AKAP13: variants seen among roughly 807,000 people sequenced by gnomAD.
The protein encoded by AKAP13 is A-kinase anchor protein 13.
A neutral mutation model predicts 264.5 loss-of-function variants in AKAP13; 80 were observed. The ratio of observed to expected loss-of-function variants is 0.30; its 90% CI spans 0.25 to 0.36. AKAP13 has a LOEUF of 0.36. AKAP13 is among the 10% of genes least tolerant of loss of function. The probability of loss-of-function intolerance (pLI) is 1.00; values close to 1 mark genes in which losing one functional copy is unlikely to be tolerated. For synonymous variants in AKAP13, 1,380 were observed against 1,250.2 expected (o/e 1.10, Z -2.19); for missense variants, 3,712 against 3,435.2 (o/e 1.08, Z -2.01).
chr15:85,605,258 A>G (rs987075357), intron 8 of AKAP13, among the ~76,000 whole-genome samples: 11 of 152,258 alleles, frequency 7.2e-5, no homozygotes, highest in Admixed American at 2.0e-4. Context: ...ACTGGGAACA[A>G]TTGTAGAACA....
At chr15:85,676,612 G>A (rs946564632) in intron 14 of AKAP13, among the ~76,000 whole-genome samples, 1 of 152,154 alleles carries the variant, frequency 6.6e-6, no homozygotes, top group Non-Finnish European at 1.5e-5. Context: ...GTTGTTAAGA[G>A]GTGGAGTGAA....
At chr15:85,483,079 C>T (rs934052370) in intron 1 of AKAP13, among the ~76,000 whole-genome samples, 15 of 152,256 alleles carry the variant, frequency 9.9e-5, no homozygotes, top group Non-Finnish European at 2.1e-4. Flanking sequence ...GACATCAGCC[C>T]TTTCTTAGAG....
At chr15:85,630,030 G>A (rs896338611) in intron 8 of AKAP13, among the ~76,000 whole-genome samples, 1 of 151,832 alleles carries the variant, frequency 6.6e-6, no homozygotes, top group East Asian at 1.9e-4. Flanking sequence ...GCCAAATTCA[G>A]TAACTTCTTT....
rs1567231406 is a variant in AKAP13 at position 85,747,858 on chromosome 15, T to G, written c.*3181T>G. Reference sequence around the variant, plus strand: ...CTTCTGTGTCTCAGGGTAATACTATTCAGAGTCGCCCCTTTGCTCATTTTC... The same window carrying G: ...CTTCTGTGTCTCAGGGTAATACTATGCAGAGTCGCCCCTTTGCTCATTTTC... On this transcript the variant is annotated 3_prime_UTR_variant, in exon 37 of 37. Coordinates refer to ENST00000394518, the MANE Select transcript of AKAP13 (RefSeq NM_007200.5). 1 of 153,352 alleles carries G rather than the reference T, an allele frequency of 6.5e-6. No individual in the cohort carries two copies. The highest frequency in any genetic ancestry group is 1.5e-5 in the Non-Finnish European group (1 of 68,042). 9.5% of individuals were successfully genotyped at this position (153,352 alleles called of 1,614,324 possible). A position where few individuals can be genotyped will look rare whatever the true frequency, so the allele number is the denominator to read the frequency against.
At chr15:85,666,769 T>C (rs1055634679) in intron 13 of AKAP13, among the ~76,000 whole-genome samples, 1 of 152,222 alleles carries the variant, frequency 6.6e-6, no homozygotes, top group African/African-American at 2.4e-5. Flanking sequence ...GCTACCAGTC[T>C]CTTGAAACTC....
At chr15:85,502,583 A>C (rs1020090368) in intron 2 of AKAP13, among the ~76,000 whole-genome samples, 1 of 152,220 alleles carries the variant, frequency 6.6e-6, no homozygotes, top group Non-Finnish European at 1.5e-5. Flanking sequence ...GACACTTAAA[A>C]AGGAAAACTT....
At chr15:85,520,806 G>T in intron 2 of AKAP13, 3 of 479,380 alleles carry the variant, frequency 6.3e-6, no homozygotes, top group Non-Finnish European at 1.2e-5. Context: ...GTGGTATTAG[G>T]TGATTTTGTT....
intron 4 of AKAP13, chr15:85,537,109 C>A (rs1489575287): frequency 6.6e-6 from 1 of 152,164 alleles, no homozygotes; most frequent in Non-Finnish European, 1.5e-5. Context: ...GTGCTCAGTT[C>A]ACATTCTGCA....
chr15:85,506,874 T>A (rs2151107630), intron 2 of AKAP13, among the ~76,000 whole-genome samples: 1 of 152,358 alleles, frequency 6.6e-6, no homozygotes. Flanking sequence ...ATGTTCCCTA[T>A]GCTGAAGCCA....
At position 85,748,658 on chromosome 15, in the gene AKAP13, G is replaced by A. The variant is rs2089438632; in HGVS notation, c.*3981G>A. The A allele has an allele frequency of 1.3e-5, 2 of 152,082 alleles. No homozygotes were observed. The highest frequency in any genetic ancestry group is 4.8e-5 in the African/African-American group (2 of 41,386). The allele number at this position is 152,082 out of a possible 1,614,324, so 9.4% of individuals were successfully genotyped here. On this transcript the variant is annotated 3_prime_UTR_variant, in exon 37 of 37. Coordinates refer to ENST00000394518, the MANE Select transcript of AKAP13 (RefSeq NM_007200.5). The stretch of plus-strand genomic sequence containing the variant: ...GCTGCCATAAAAGGGAGGCGGGGGG[G>A]AGGAAGGGAAAATAAAGGCATCTTT...
intron 1 of AKAP13, among the ~76,000 whole-genome samples, chr15:85,411,766 T>C (rs1326823150): frequency 2.0e-5 from 3 of 152,194 alleles, no homozygotes; most frequent in East Asian, 3.8e-4. Flanking sequence ...TGAAACTCCA[T>C]TTTTATTTGA....
At chr15:85,638,777 T>G (rs981319090) in intron 8 of AKAP13, among the ~76,000 whole-genome samples, 2 of 144,708 alleles carry the variant, frequency 1.4e-5, no homozygotes, top group Non-Finnish European at 1.5e-5. Context: ...TTTTTTTTTT[T>G]GAGATGGCGT....
intron 12 of AKAP13, among the ~76,000 whole-genome samples, chr15:85,658,888 C>T (rs1459082371): frequency 1.3e-5 from 2 of 152,052 alleles, no homozygotes; most frequent in African/African-American, 4.8e-5. Context: ...CTAGCTTTCT[C>T]TAGGAGAGTT....
At chr15:85,633,489 A>G (rs1291070809) in intron 8 of AKAP13, among the ~76,000 whole-genome samples, 4 of 150,728 alleles carry the variant, frequency 2.7e-5, no homozygotes, top group African/African-American at 9.7e-5. Context: ...TGCAAATGAA[A>G]TGCCATTTGA....
intron 12 of AKAP13, chr15:85,662,407 G>A (rs771950839): frequency 2.4e-5 from 39 of 1,614,068 alleles, no homozygotes; most frequent in Non-Finnish European, 3.3e-5. Context: ...GTGCCCCTCT[G>A]GTGTGCAGTA....
In AKAP13 at chr15:85,727,695, T is replaced by G. The variant is rs1819912; in HGVS notation, c.7087+232T>G. ...TTTCCAGTACTGGATCAAGAGAATATTGATTCTCTTGACTCAGGATCCGTG... is the reference window on the plus strand; with the variant it reads ...TTTCCAGTACTGGATCAAGAGAATAGTGATTCTCTTGACTCAGGATCCGTG... On this transcript the variant is annotated intron_variant, in intron 29 of 36. Transcript: ENST00000394518. The surrounding 1 kb of genome is among the most constrained non-coding windows in gnomAD (Gnocchi z 5.3). Among the ~76,000 whole-genome samples, 2 of 152,238 alleles carry G rather than the reference T, an allele frequency of 1.3e-5. No individual in the cohort carries two copies. The highest frequency in any genetic ancestry group is 4.2e-4 in the South Asian group (2 of 4,814).
chr15:85,459,352 ATTTTTTT>A (rs557848037), intron 1 of AKAP13, among the ~76,000 whole-genome samples: 3 of 130,672 alleles, frequency 2.3e-5, no homozygotes, highest in South Asian at 2.4e-4. Context: ...CGCCCGGCTA[ATTTTTTT>A]TTTTTTTTTT....
At chr15:85,607,390 G>A (rs1424882555) in intron 8 of AKAP13, among the ~76,000 whole-genome samples, 1 of 152,046 alleles carries the variant, frequency 6.6e-6, no homozygotes, top group Non-Finnish European at 1.5e-5. Flanking sequence ...ACCCTTGTAG[G>A]CTGACTTAAA....
At chr15:85,666,435 G>A (rs986126548) in intron 13 of AKAP13, among the ~76,000 whole-genome samples, 1 of 67,434 alleles carries the variant, frequency 1.5e-5, no homozygotes, top group African/African-American at 6.3e-5. Flanking sequence ...CTTTGTCAGA[G>A]GGGTAGATTG....
Sources: gnomAD v4.1 joint callset for allele counts (sites outside exome capture counted in the v4.1 genomes callset) on GRCh38, gnomAD v4.1.1 for gene constraint, Gnocchi (gnomAD v3.1) non-coding constraint, MANE v1.5 for transcripts, NCBI Gene and HGNC (gene_info 2026-07-23, HGNC 2026-07-21) for gene names.